BLOC1S5: variants seen among roughly 807,000 people sequenced by gnomAD.
The protein encoded by BLOC1S5 is biogenesis of lysosome-related organelles complex 1 subunit 5.
In BLOC1S5, 27 loss-of-function variants were observed where a neutral mutation model predicts 24.3. The observed-to-expected ratio is 1.11, with a 90% confidence interval of 0.82 to 1.53. BLOC1S5 has a LOEUF of 1.53. BLOC1S5 is among the 40% of genes most tolerant of loss of function. The pLI, the probability that BLOC1S5 is intolerant of heterozygous loss-of-function variation, is 0.00. For missense variants in BLOC1S5, 239 were observed against 229.4 expected, an observed-to-expected ratio of 1.04 and a Z score of -0.27; for synonymous variants, 84 against 74.5, an observed-to-expected ratio of 1.13 and a Z score of -0.66.
intron 2 of BLOC1S5, among the ~76,000 whole-genome samples, chr6:8,045,023 A>G (rs1763832143): frequency 6.6e-6 from 1 of 152,228 alleles, no homozygotes; most frequent in South Asian, 2.1e-4. Context: ...AATGGGGAAA[A>G]TGTCTCCAGA....
chr6:8,024,865 G>A (rs916887142), intron 4 of BLOC1S5, among the ~76,000 whole-genome samples: 8 of 152,088 alleles, frequency 5.3e-5, no homozygotes, highest in African/African-American at 1.2e-4. Flanking sequence ...GTTTGCAAAC[G>A]AGGAGCTGGA....
intron 4 of BLOC1S5, among the ~76,000 whole-genome samples, chr6:8,017,364 C>T (rs1417286038): frequency 1.4e-5 from 2 of 145,882 alleles, no homozygotes; most frequent in East Asian, 2.1e-4. Context: ...GGTAACAGAG[C>T]GAGACTCCGT....
intron 3 of BLOC1S5, among the ~76,000 whole-genome samples, chr6:8,030,969 G>A (rs1232231474): frequency 1.3e-5 from 2 of 150,964 alleles, no homozygotes; most frequent in Non-Finnish European, 2.9e-5. Flanking sequence ...CGGTATAGAA[G>A]GGACATACCC....
Position 8,015,287 on chromosome 6 carries a change from T to C in BLOC1S5, c.*362A>G, listed in dbSNP as rs1581388016. ...CCCATTAAGCCACAATAATAAACTA[T>C]TGTTAACCCTGTATAGAAATGAATG... is the stretch of plus-strand genomic sequence containing the variant. On this transcript the variant is annotated 3_prime_UTR_variant, in exon 5 of 5. Transcript: ENST00000397457. 1 of 172,874 alleles carries C rather than the reference T, an allele frequency of 5.8e-6. No individual in the cohort carries two copies. The highest frequency in any genetic ancestry group is 1.6e-4 in the East Asian group (1 of 6,214). The allele number at this position is 172,874 out of a possible 1,614,324, so 10.7% of individuals were successfully genotyped here.
Position 8,025,260 on chromosome 6 carries a change from G to A in BLOC1S5, c.384+1107C>T, listed in dbSNP as rs1763066239. On this transcript the variant is annotated intron_variant, in intron 4 of 4. Coordinates refer to ENST00000397457, the MANE Select transcript of BLOC1S5 (RefSeq NM_201280.3). ...AAGTTAACAAAATCGATCATCCCCT[G>A]TGGCACCTAGCAAAGTAGAGGAATT... Among the ~76,000 whole-genome samples the A allele has an allele frequency of 2.0e-5, 3 of 152,208 alleles. No homozygotes were observed. In the South Asian group the frequency reaches 6.2e-4, roughly 31 times the overall value.
chr6:8,056,656 T>C (rs908223783), intron 2 of BLOC1S5, among the ~76,000 whole-genome samples: 1 of 152,126 alleles, frequency 6.6e-6, no homozygotes, highest in Non-Finnish European at 1.5e-5. Flanking sequence ...AGAGTGGAGC[T>C]ATGCAGCTCC....
At chr6:8,040,648 G>C (rs756379134) in intron 3 of BLOC1S5, among the ~76,000 whole-genome samples, 4 of 152,112 alleles carry the variant, frequency 2.6e-5, no homozygotes, top group Non-Finnish European at 4.4e-5. Flanking sequence ...CACGAGTCAA[G>C]AGATCAAGAC....
chr6:8,041,772 G>A (rs138825196), intron 2 of BLOC1S5: 1,646 of 150,632 alleles, frequency 0.011, 28 homozygotes, highest in East Asian at 0.039. Context: ...TCAGCCTGCC[G>A]AGTAGCTGGG....
At chr6:8,028,726 C>G (rs780743645) in intron 3 of BLOC1S5, among the ~76,000 whole-genome samples, 2 of 152,090 alleles carry the variant, frequency 1.3e-5, no homozygotes, top group Non-Finnish European at 2.9e-5. Context: ...AAGCAATTCA[C>G]CTTTTAACTC....
At chr6:8,052,169 G>A (rs1164066995) in intron 2 of BLOC1S5, among the ~76,000 whole-genome samples, 4 of 151,522 alleles carry the variant, frequency 2.6e-5, no homozygotes, top group South Asian at 2.1e-4. Context: ...GGGTTTCACC[G>A]TGTTAGCCAG....
chr6:8,053,647 T>G (rs1764209223), intron 2 of BLOC1S5, among the ~76,000 whole-genome samples: 1 of 152,262 alleles, frequency 6.6e-6, no homozygotes, highest in Admixed American at 6.5e-5. Flanking sequence ...TTTATTGCAA[T>G]ATTCACGTCA....
At chr6:8,050,222 T>G (rs540206430) in intron 2 of BLOC1S5, among the ~76,000 whole-genome samples, 1 of 152,214 alleles carries the variant, frequency 6.6e-6, no homozygotes, top group Admixed American at 6.5e-5. Context: ...TTATTACACC[T>G]GTAAGGGTGA....
intron 2 of BLOC1S5, among the ~76,000 whole-genome samples, chr6:8,049,247 T>G (rs1764021806): frequency 6.6e-6 from 1 of 151,964 alleles, no homozygotes; most frequent in Admixed American, 6.6e-5. Context: ...GGCAGGCACC[T>G]GTAATCCCAA....
At chr6:8,050,969 C>T (rs1311216465) in intron 2 of BLOC1S5, among the ~76,000 whole-genome samples, 2 of 151,830 alleles carry the variant, frequency 1.3e-5, no homozygotes, top group Non-Finnish European at 2.9e-5. Flanking sequence ...GTGGGCAGAT[C>T]ACAAGGTCAA....
At chr6:8,032,168 CA>C (rs1324818941) in intron 3 of BLOC1S5, among the ~76,000 whole-genome samples, 1 of 152,092 alleles carries the variant, frequency 6.6e-6, no homozygotes, top group Non-Finnish European at 1.5e-5. Context: ...AAATAATCAG[CA>C]AACAGACAAC....
chr6:8,048,998 AG>A (rs1764007168), intron 2 of BLOC1S5, among the ~76,000 whole-genome samples: 1 of 139,726 alleles, frequency 7.2e-6, no homozygotes, highest in Admixed American at 7.3e-5. Flanking sequence ...TAGGTGAAAG[AG>A]ACTCCGCCTC....
At chr6:8,026,604 A>G (rs2113528710) in intron 3 of BLOC1S5, among the ~76,000 whole-genome samples, 179 bp from the exon 4 acceptor site, 2 of 152,342 alleles carry the variant, frequency 1.3e-5, no homozygotes, top group Admixed American at 1.3e-4. Context: ...AGTTTTGCCA[A>G]TATATTCAGG....
At chr6:8,042,952 C>T (rs1763743446) in intron 2 of BLOC1S5, among the ~76,000 whole-genome samples, 3 of 152,208 alleles carry the variant, frequency 2.0e-5, no homozygotes, top group Non-Finnish European at 4.4e-5. Context: ...TCAGTGCATC[C>T]TGTGTGACTC....
At position 8,055,525 on chromosome 6, in the gene BLOC1S5, TTATCCTC is replaced by T. The variant is rs368635979; in HGVS notation, c.195+7002_195+7008del. Among the ~76,000 whole-genome samples, 10 of 152,368 alleles carry T rather than the reference TTATCCTC, an allele frequency of 6.6e-5. No individual in the cohort carries two copies. In the East Asian group the frequency reaches 1.9e-3, roughly 29 times the overall value. On this transcript the variant is annotated intron_variant, in intron 2 of 4. Transcript: ENST00000397457. ...TCCTCGAGGAATATTATTCTGTTCT[TTATCCTC>T]TAATCAATTGTGTGGGATTTGACTC...
Sources: allele counts gnomAD v4.1 joint callset (sites outside exome capture counted in the v4.1 genomes callset), GRCh38; gene constraint gnomAD v4.1.1; transcripts MANE v1.5; gene names NCBI Gene and HGNC (gene_info 2026-07-23, HGNC 2026-07-21).